Variants in SPG7 observed in about 807,000 individuals in gnomAD.
SPG7 encodes the protein SPG7 matrix AAA peptidase subunit, paraplegin.
SPG7 carries 103 observed loss-of-function variants against 81.9 expected under a neutral mutation model. That is an observed-to-expected ratio of 1.26 (90% CI 1.07 to 1.48). The LOEUF (loss-of-function observed/expected upper bound fraction) is 1.48, where lower values mean the gene tolerates loss of function less well. SPG7 is among the 40% of genes most tolerant of loss of function. The probability of loss-of-function intolerance (pLI) is 0.00; values close to 1 mark genes in which losing one functional copy is unlikely to be tolerated. For missense variants in SPG7, 1,241 were observed against 1,087.3 expected (o/e 1.14, Z -1.99); for synonymous variants, 534 against 444.2 (o/e 1.20, Z -2.54).
chr16:89,522,868 T>G (rs908695154), intron 3 of SPG7: 1 of 152,554 alleles, frequency 6.6e-6, no homozygotes, highest in African/African-American at 2.4e-5. Flanking sequence ...CACCATGCCC[T>G]CCTCAGAGGC....
intron 12 of SPG7, 113 bp from the exon 13 acceptor site, chr16:89,550,381 C>T (rs1282202138): frequency 1.6e-5 from 12 of 773,994 alleles, no homozygotes; most frequent in East Asian, 1.2e-4. Flanking sequence ...CCATATTGGT[C>T]GGGCTGGTCT....
intron 11 of SPG7, chr16:89,547,091 C>T (rs549733369): frequency 2.8e-5 from 10 of 352,706 alleles, no homozygotes; most frequent in African/African-American, 1.7e-4. Flanking sequence ...ACCACGCAGT[C>T]CCGGCAAAGC....
chr16:89,549,875 C>T (rs2058612910), intron 12 of SPG7: 1 of 173,688 alleles, frequency 5.8e-6, no homozygotes, highest in Non-Finnish European at 1.3e-5. Flanking sequence ...GACCCTTGCC[C>T]CGACCCTGTG....
chr16:89,514,806 G>A (rs1167774132), intron 3 of SPG7, among the ~76,000 whole-genome samples: 2 of 151,438 alleles, frequency 1.3e-5, no homozygotes, highest in Non-Finnish European at 2.9e-5. Context: ...CCCTCTTTTT[G>A]TATAGTAGAG....
At chr16:89,524,347 C>G in intron 4 of SPG7, 100 bp downstream of exon 4, 1 of 1,366,500 alleles carries the variant, frequency 7.3e-7, no homozygotes, top group South Asian at 1.4e-5. Context: ...GGTGTGGGCG[C>G]TGGCTGTTGC....
chr16:89,515,019 C>G (rs1433234621), intron 3 of SPG7, among the ~76,000 whole-genome samples: 1 of 150,038 alleles, frequency 6.7e-6, no homozygotes, highest in East Asian at 2.0e-4. Context: ...TCACTGCAAG[C>G]TCCGTCTCCC....
chr16:89,546,575 C>T (rs1040678665), intron 10 of SPG7, 83 bp from the exon 11 acceptor site: 152 of 920,992 alleles, frequency 1.7e-4, no homozygotes, highest in Non-Finnish European at 1.4e-4. Context: ...TTGGGGACCC[C>T]CCCCCCCCAC....
chr16:89,518,692 C>T (rs1194108512), intron 3 of SPG7: 3 of 152,132 alleles, frequency 2.0e-5, no homozygotes, highest in African/African-American at 2.4e-5. Flanking sequence ...GATCACATGC[C>T]GTATGATTTT....
intron 4 of SPG7, among the ~76,000 whole-genome samples, chr16:89,524,940 TC>T (rs2058241053): frequency 6.7e-6 from 1 of 149,664 alleles, no homozygotes; most frequent in Non-Finnish European, 1.5e-5. Flanking sequence ...GAATGCTTTT[TC>T]CTTTTCTTTT....
intron 5 of SPG7, 176 bp from the exon 6 acceptor site, chr16:89,529,301 C>G (rs1455715525): frequency 7.7e-6 from 5 of 646,462 alleles, no homozygotes; most frequent in Non-Finnish European, 1.4e-5. Flanking sequence ...GCACAGTCAG[C>G]GAGAATGAGA....
In SPG7 at chr16:89,548,848, G is replaced by A. The variant is rs147735763; in HGVS notation, c.1663+735G>A. On this transcript the variant is annotated intron_variant, in intron 12 of 16. Transcript: ENST00000645818. ...ACTGTCAGTGTGAGACAGGTTGAAC[G>A]TTTGAAAAGGGAAGTGGTTCTTGCC... 438 of 435,760 alleles carry A rather than the reference G, an allele frequency of 1.0e-3. 3 individuals are homozygous for A. Among genetic ancestry groups the A allele is most frequent in the Non-Finnish European group, 1.6e-3 (334 of 214,016 alleles). 27.0% of individuals were successfully genotyped at this position (435,760 alleles called of 1,614,324 possible). A position where few individuals can be genotyped will look rare whatever the true frequency, so the allele number is the denominator to read the frequency against.
chr16:89,522,379 G>C (rs965233928), intron 3 of SPG7: 1 of 152,284 alleles, frequency 6.6e-6, no homozygotes, highest in African/African-American at 2.4e-5. Flanking sequence ...AGACAATGCA[G>C]GAGGAGAAGA....
At chr16:89,516,939 G>A (rs754977730) in intron 3 of SPG7, 1 of 152,152 alleles carries the variant, frequency 6.6e-6, no homozygotes, top group East Asian at 1.9e-4. Context: ...GAAAAAAGTC[G>A]TAAGAGAAAA....
intron 2 of SPG7, among the ~76,000 whole-genome samples, chr16:89,510,900 C>T (rs539687882): frequency 6.6e-6 from 1 of 152,184 alleles, no homozygotes; most frequent in Non-Finnish European, 1.5e-5. Context: ...CTCCCTTATC[C>T]CCCAGTTGCA....
intron 16 of SPG7, chr16:89,555,832 AG>A (rs2058682423): frequency 2.5e-6 from 1 of 398,522 alleles, no homozygotes; most frequent in African/African-American, 2.1e-5. Context: ...ATGGGTAGGC[AG>A]TGGATAGGTA....
At chr16:89,554,823 G>C in intron 16 of SPG7, 1 of 437,660 alleles carries the variant, frequency 2.3e-6, no homozygotes, top group South Asian at 2.8e-5. Context: ...AATTACCAAT[G>C]TTTTGTCAGT....
At chr16:89,532,169 G>C (rs111774208) in intron 8 of SPG7, 103 bp downstream of exon 8, 10 of 1,262,518 alleles carry the variant, frequency 7.9e-6, no homozygotes, top group Admixed American at 3.7e-5. Context: ...ACGGGTGGGT[G>C]GGGGAGTAGA....
intron 5 of SPG7, chr16:89,527,105 T>A (rs1036313386): frequency 3.6e-5 from 6 of 165,448 alleles, no homozygotes; most frequent in African/African-American, 1.2e-4. Flanking sequence ...GTAAATACTA[T>A]TTCAATCGTT....
chr16:89,556,847 G>C, intron 16 of SPG7, 40 bp from the exon 17 acceptor site: 1 of 1,495,328 alleles, frequency 6.7e-7, no homozygotes. Flanking sequence ...TGCTCTGTCT[G>C]CCCTGGGGAC....
Sources: gnomAD v4.1 joint callset for allele counts (sites outside exome capture counted in the v4.1 genomes callset) on GRCh38, gnomAD v4.1.1 for gene constraint, MANE v1.5 for transcripts, NCBI Gene and HGNC (gene_info 2026-07-23, HGNC 2026-07-21) for gene names.